Variants in CNTN4 observed in about 807,000 individuals in gnomAD.
The protein encoded by CNTN4 is contactin-4.
In CNTN4, 77 loss-of-function variants were observed where a neutral mutation model predicts 122.5. That is an observed-to-expected ratio of 0.63 (90% confidence interval 0.52 to 0.76). CNTN4 has a LOEUF of 0.76. Ranked by LOEUF, CNTN4 falls within the 30% of genes least tolerant of loss-of-function variation. The probability of loss-of-function intolerance (pLI) is 0.00; values close to 1 mark genes in which losing one functional copy is unlikely to be tolerated. For missense variants in CNTN4, 1,256 were observed against 1,259.1 expected, an observed-to-expected ratio of 1.00 and a Z score of 0.04; for synonymous variants, 512 against 447.0, an observed-to-expected ratio of 1.15 and a Z score of -1.83.
intron 6 of CNTN4, among the ~76,000 whole-genome samples, chr3:2,752,280 A>G (rs957133130): frequency 7.9e-5 from 12 of 152,260 alleles, no homozygotes; most frequent in African/African-American, 2.7e-4. Context: ...GCATCACCTC[A>G]TGCAACTAAA....
intron 3 of CNTN4, among the ~76,000 whole-genome samples, chr3:2,550,563 C>T (rs1278293290): frequency 6.6e-6 from 1 of 152,108 alleles, no homozygotes; most frequent in South Asian, 2.1e-4. Context: ...GGATCTAGAA[C>T]TAGAAATACC....
chr3:2,767,342 T>C (rs2090906928), intron 6 of CNTN4, among the ~76,000 whole-genome samples: 1 of 152,218 alleles, frequency 6.6e-6, no homozygotes, highest in African/African-American at 2.4e-5. Flanking sequence ...TGCACCCTTT[T>C]GATCAGAGGT....
intron 2 of CNTN4, among the ~76,000 whole-genome samples, chr3:2,249,095 A>G (rs566238809): frequency 8.6e-5 from 13 of 151,956 alleles, no homozygotes; most frequent in Admixed American, 3.3e-4. Flanking sequence ...AAACATCACT[A>G]TGTATCTCCT....
chr3:2,912,552 G>A (rs2094312202), intron 12 of CNTN4, among the ~76,000 whole-genome samples: 1 of 152,018 alleles, frequency 6.6e-6, no homozygotes, highest in South Asian at 2.1e-4. Flanking sequence ...AATATTGTAG[G>A]TACAAAAATC....
chr3:2,930,670 A>G (rs2094512301), intron 13 of CNTN4, among the ~76,000 whole-genome samples: 1 of 152,124 alleles, frequency 6.6e-6, no homozygotes, highest in Non-Finnish European at 1.5e-5. Context: ...AGAATCTCAC[A>G]CCTACAGTCT....
intron 2 of CNTN4, among the ~76,000 whole-genome samples, chr3:2,224,232 C>T (rs1305452329): frequency 6.6e-6 from 1 of 152,158 alleles, no homozygotes; most frequent in African/African-American, 2.4e-5. Flanking sequence ...TGGTCTTCTA[C>T]AGTCATATTT....
chr3:2,590,057 C>T (rs1326464699), intron 4 of CNTN4, among the ~76,000 whole-genome samples: 1 of 152,086 alleles, frequency 6.6e-6, no homozygotes, highest in African/African-American at 2.4e-5. Context: ...AATTTCAAAC[C>T]ACCACAATCT....
At chr3:2,210,741 T>G (rs543617553) in intron 2 of CNTN4, among the ~76,000 whole-genome samples, 63 of 152,210 alleles carry the variant, frequency 4.1e-4, no homozygotes, top group Non-Finnish European at 8.2e-4. Context: ...TTGCCCACTT[T>G]GTTTCACGGC....
At chr3:2,772,291 A>G (rs1471647443) in intron 6 of CNTN4, among the ~76,000 whole-genome samples, 2 of 151,062 alleles carry the variant, frequency 1.3e-5, no homozygotes, top group Admixed American at 6.6e-5. Flanking sequence ...GCAAGAAATA[A>G]TAAGAGTCTA....
intron 3 of CNTN4, among the ~76,000 whole-genome samples, chr3:2,429,352 G>T (rs2047969583): frequency 6.6e-6 from 1 of 152,214 alleles, no homozygotes; most frequent in South Asian, 2.1e-4. Context: ...GTCCACTCCA[G>T]ACCCTGTTTG....
intron 3 of CNTN4, among the ~76,000 whole-genome samples, chr3:2,435,793 C>T (rs2048238244): frequency 6.6e-6 from 1 of 152,160 alleles, no homozygotes; most frequent in Non-Finnish European, 1.5e-5. Context: ...TACATGCCTA[C>T]ATGCAATCTG....
At chr3:2,749,543 G>T (rs957647083) in intron 6 of CNTN4, among the ~76,000 whole-genome samples, 1 of 152,028 alleles carries the variant, frequency 6.6e-6, no homozygotes, top group African/African-American at 2.4e-5. Flanking sequence ...ATGGCAGAAC[G>T]TATATTTTAA....
chr3:2,397,852 G>A lies in CNTN4; in HGVS notation c.-89+58619G>A, dbSNP rs2150941689. Among the ~76,000 whole-genome samples, 4 of 152,196 alleles carry A rather than the reference G, an allele frequency of 2.6e-5. 1 individual carries two copies. The South Asian group carries it at 8.3e-4, about 32-fold the overall frequency. On this transcript the variant is annotated intron_variant, in intron 3 of 24. Coordinates refer to ENST00000418658, the MANE Select transcript of CNTN4 (RefSeq NM_175607.3). Reference sequence around the variant, plus strand: ...AATTTCAGTAGCTTTGTTACTCTGAGCACACTACAGCAACCCCAGTGCTCT... The same window carrying A: ...AATTTCAGTAGCTTTGTTACTCTGAACACACTACAGCAACCCCAGTGCTCT...
intron 2 of CNTN4, among the ~76,000 whole-genome samples, chr3:2,292,016 G>A (rs1275045452): frequency 5.9e-5 from 9 of 152,258 alleles, no homozygotes; most frequent in Non-Finnish European, 8.8e-5. Context: ...GATTACAGGC[G>A]TGAGCCACCG....
intron 2 of CNTN4, among the ~76,000 whole-genome samples, chr3:2,124,936 GC>G (rs2034045196): frequency 6.6e-6 from 1 of 152,090 alleles, no homozygotes. Flanking sequence ...GTTTCTTCCT[GC>G]CCCCGCTCCA....
intron 13 of CNTN4, among the ~76,000 whole-genome samples, chr3:2,951,026 C>T (rs2094736609): frequency 6.6e-6 from 1 of 152,164 alleles, no homozygotes; most frequent in Admixed American, 6.5e-5. Context: ...CTCTCGAAAC[C>T]TAATTCCCCA....
chr3:2,704,250 T>C (rs970533904), intron 4 of CNTN4, among the ~76,000 whole-genome samples: 8 of 142,388 alleles, frequency 5.6e-5, no homozygotes, highest in African/African-American at 1.9e-4. Context: ...GGAGCCTAGA[T>C]TGTGCCGCTG....
chr3:2,218,170 G>T (rs2038923810), intron 2 of CNTN4, among the ~76,000 whole-genome samples: 1 of 152,096 alleles, frequency 6.6e-6, no homozygotes, highest in East Asian at 1.9e-4. Context: ...GACAATAACG[G>T]CTTTTTATGG....
chr3:2,880,512 A>G (rs909542273), intron 8 of CNTN4, among the ~76,000 whole-genome samples: 2 of 152,222 alleles, frequency 1.3e-5, no homozygotes, highest in African/African-American at 4.8e-5. Flanking sequence ...AGCAAGTTCA[A>G]CAGCTGTGTG....
Sources: allele counts gnomAD v4.1 joint callset (sites outside exome capture counted in the v4.1 genomes callset), GRCh38; gene constraint gnomAD v4.1.1; transcripts MANE v1.5; gene names NCBI Gene and HGNC (gene_info 2026-07-23, HGNC 2026-07-21).